Variants in PCLO observed in about 807,000 individuals in gnomAD.
PCLO encodes piccolo presynaptic cytomatrix protein.
A neutral mutation model predicts 427.5 loss-of-function variants in PCLO; 82 were observed. The observed-to-expected ratio is 0.19, with a 90% CI of 0.16 to 0.23. The LOEUF (loss-of-function observed/expected upper bound fraction) is 0.23, where lower values mean the gene tolerates loss of function less well. PCLO is among the 10% of genes least tolerant of loss of function. PCLO has a pLI of 1.00. For synonymous variants in PCLO, 2,357 were observed against 2,155.4 expected, an observed-to-expected ratio of 1.09 and a Z score of -2.59; for missense variants, 6,239 against 6,115.9, an observed-to-expected ratio of 1.02 and a Z score of -0.67.
At chr7:82,826,332 T>C (rs1362509273) in intron 18 of PCLO, among the ~76,000 whole-genome samples, 2 of 152,140 alleles carry the variant, frequency 1.3e-5, no homozygotes, top group Non-Finnish European at 2.9e-5. Flanking sequence ...GGACTCACAG[T>C]ATGATTACAT....
intron 9 of PCLO, among the ~76,000 whole-genome samples, chr7:82,893,382 A>G (rs2116136201): frequency 6.6e-6 from 1 of 152,136 alleles, no homozygotes; most frequent in Admixed American, 6.5e-5. Flanking sequence ...ATGAGAACAC[A>G]TGGACACAGG....
chr7:82,782,407 C>G (rs2129468151), intron 22 of PCLO, among the ~76,000 whole-genome samples: 1 of 152,268 alleles, frequency 6.6e-6, no homozygotes, highest in African/African-American at 2.4e-5. Context: ...TTACAGCATG[C>G]AAACTACTAA....
At chr7:82,968,930 T>C (rs987424215) in intron 3 of PCLO, among the ~76,000 whole-genome samples, 3 of 152,194 alleles carry the variant, frequency 2.0e-5, no homozygotes, top group Admixed American at 1.3e-4. Flanking sequence ...AGCATCTCCA[T>C]AGGCTATGTT....
chr7:82,934,763 G>A (rs1794912991), intron 6 of PCLO, among the ~76,000 whole-genome samples: 1 of 148,192 alleles, frequency 6.7e-6, no homozygotes, highest in Non-Finnish European at 1.5e-5. Context: ...AATAGATATA[G>A]ATATATTTCT....
chr7:82,773,363 A>C (rs1372854548), intron 22 of PCLO, among the ~76,000 whole-genome samples: 1 of 152,200 alleles, frequency 6.6e-6, no homozygotes, highest in Non-Finnish European at 1.5e-5. Context: ...GTGACCCTGC[A>C]GTCAGATAAC....
intron 15 of PCLO, 125 bp downstream of exon 15, chr7:82,838,093 A>G (rs955889758): frequency 1.2e-5 from 8 of 680,878 alleles, no homozygotes; most frequent in Non-Finnish European, 1.7e-5. Context: ...AATAAATATG[A>G]CATGTGGAGG....
intron 9 of PCLO, among the ~76,000 whole-genome samples, chr7:82,880,794 G>A (rs1793488781): frequency 6.6e-6 from 1 of 152,124 alleles, no homozygotes. Flanking sequence ...AACCTAATGT[G>A]ACTATTGGGC....
chr7:82,855,390 A>C (rs1260099332), intron 10 of PCLO, among the ~76,000 whole-genome samples: 1 of 152,188 alleles, frequency 6.6e-6, no homozygotes, highest in Non-Finnish European at 1.5e-5. Flanking sequence ...TGCATGTATC[A>C]GTAAATAAAA....
intron 13 of PCLO, 104 bp from the exon 14 acceptor site, chr7:82,841,613 G>T (rs1311488963): frequency 1.4e-6 from 1 of 711,996 alleles, no homozygotes; most frequent in Non-Finnish European, 2.4e-6. Flanking sequence ...CAGAGCAACT[G>T]CTTGGAAAAT....
At chr7:82,882,766 A>C (rs1192068955) in intron 9 of PCLO, among the ~76,000 whole-genome samples, 1 of 152,144 alleles carries the variant, frequency 6.6e-6, no homozygotes, top group Non-Finnish European at 1.5e-5. Flanking sequence ...AGTATTTGAT[A>C]AATATGCTAC....
chr7:83,041,640 T>C (rs1271130543), intron 3 of PCLO, among the ~76,000 whole-genome samples: 1 of 152,164 alleles, frequency 6.6e-6, no homozygotes, highest in Non-Finnish European at 1.5e-5. Context: ...ACCTATAGTG[T>C]ACAGTCAGTC....
chr7:82,796,705 A>G (rs924969257), intron 22 of PCLO, among the ~76,000 whole-genome samples: 5 of 150,522 alleles, frequency 3.3e-5, no homozygotes, highest in African/African-American at 7.4e-5. Flanking sequence ...GATTGTTAAA[A>G]TATACAATAG....
intron 9 of PCLO, 31 bp downstream of exon 9, chr7:82,902,609 CAAAAAAACAAA>C: frequency 1.7e-6 from 2 of 1,205,928 alleles, no homozygotes; most frequent in Non-Finnish European, 2.4e-6. Flanking sequence ...CAAAACAAAA[CAAAAAAACAAA>C]AAAAATATTA....
chr7:82,952,259 C>T lies in PCLO; in HGVS notation c.8694G>A (p.Val2898=), dbSNP rs1255651296. ...TGTGAGACTTGGTTGTACTGAGATC[C>T]ACTACTTCCCCATCAGTGATTCCCT... The part of the protein sequence containing the change: ...VSQGITDGEV[V]DLSTTKSHRT... Residue 2898 remains valine, a synonymous_variant, in exon 5 of 25, where the codon GTG becomes GTA. Coordinates refer to ENST00000333891, the MANE Select transcript of PCLO (RefSeq NM_033026.6). 3.7e-6 allele frequency: 6 copies of T among 1,613,784 alleles called. No homozygotes were observed. The highest frequency in any genetic ancestry group is 4.5e-5 in the East Asian group (2 of 44,880).
chr7:83,118,817 T>G (rs936144670), intron 3 of PCLO, among the ~76,000 whole-genome samples: 1 of 152,046 alleles, frequency 6.6e-6, no homozygotes, highest in African/African-American at 2.4e-5. Flanking sequence ...CAAGGACTGG[T>G]GGTGTGCTAG....
chr7:82,878,337 C>A (rs115379036), intron 10 of PCLO, among the ~76,000 whole-genome samples: 2,148 of 152,178 alleles, frequency 0.014, 45 homozygotes, highest in African/African-American at 0.046. Context: ...CACAGTGAGT[C>A]ATTTTTAGCA....
intron 6 of PCLO, among the ~76,000 whole-genome samples, chr7:82,932,610 G>A (rs1345537650): frequency 6.6e-6 from 1 of 152,122 alleles, no homozygotes; most frequent in African/African-American, 2.4e-5. Context: ...AATTATGGTA[G>A]ATGAACTTTA....
chr7:82,880,337 G>T, intron 9 of PCLO: 1 of 354,358 alleles, frequency 2.8e-6, no homozygotes, highest in South Asian at 2.2e-5. Flanking sequence ...GTGGTTTTAA[G>T]ACCATTATTT....
intron 3 of PCLO, among the ~76,000 whole-genome samples, chr7:83,121,861 A>T (rs1409116406): frequency 1.3e-5 from 2 of 152,112 alleles, no homozygotes; most frequent in Non-Finnish European, 2.9e-5. Flanking sequence ...CAACAAAATA[A>T]AACTATAGCC....
Sources: gnomAD v4.1 joint callset for allele counts (sites outside exome capture counted in the v4.1 genomes callset) on GRCh38, gnomAD v4.1.1 for gene constraint, MANE v1.5 for transcripts, NCBI Gene and HGNC (gene_info 2026-07-23, HGNC 2026-07-21) for gene names.